ZKSCAN4: variants seen among roughly 807,000 people sequenced by gnomAD.
ZKSCAN4 encodes zinc finger protein with KRAB and SCAN domains 4.
ZKSCAN4 carries 23 observed loss-of-function variants against 30.8 expected under a neutral mutation model. The observed-to-expected ratio is 0.75, with a 90% CI of 0.54 to 1.06. The LOEUF (loss-of-function observed/expected upper bound fraction) is 1.06, where lower values mean the gene tolerates loss of function less well. Ranked by LOEUF, ZKSCAN4 falls within the 50% of genes least tolerant of loss-of-function variation. The pLI is 0.00. For missense variants in ZKSCAN4, 556 were observed against 665.4 expected (o/e 0.84, Z 1.81); for synonymous variants, 208 against 252.5 (o/e 0.82, Z 1.67).
intron 3 of ZKSCAN4, 141 bp from the exon 4 acceptor site, chr6:28,247,233 CATCTT>C (rs1760778001): frequency 2.3e-6 from 2 of 888,852 alleles, no homozygotes; most frequent in Non-Finnish European, 1.6e-6. Flanking sequence ...TCTCTAATAA[CATCTT>C]AATCAAGAAA....
chr6:28,248,807 CAG>C (rs1478517379), intron 2 of ZKSCAN4, among the ~76,000 whole-genome samples: 1 of 122,456 alleles, frequency 8.2e-6, no homozygotes, highest in African/African-American at 3.2e-5. Context: ...GCCTGGATAA[CAG>C]AGTGAGACCC....
Position 28,248,129 on chromosome 6 carries a change from C to T in ZKSCAN4, c.592G>A (p.Ala198Thr), listed in dbSNP as rs776900430. 6.2e-7 allele frequency: 1 copy of T among 1,613,630 alleles called. No individual in the cohort carries two copies. The highest frequency in any genetic ancestry group is 1.7e-5 in the Admixed American group (1 of 59,968). The part of the protein sequence containing the change: ...HDRVLQVPGL[A>T]QGGCCREDAM... Reference sequence around the variant, plus strand: ...TCTTCTCTGCAGCACCCTCCCTGGGCAAGCCCAGGAACCTGGAGAACTAAG... The same window carrying T: ...TCTTCTCTGCAGCACCCTCCCTGGGTAAGCCCAGGAACCTGGAGAACTAAG... Residue 198 changes from alanine (A) to threonine (T), a missense_variant, in exon 3 of 5, where the codon GCC becomes ACC. By Grantham distance (58) the Ala-to-Thr change is moderately conservative. Around this residue, in one of 3 missense-constraint regions of ZKSCAN4, gnomAD observed 433 missense variants for 511.5 expected, o/e 0.85. Transcript: ENST00000377294.
chr6:28,244,149 C>T lies in ZKSCAN4; in HGVS notation c.*967G>A, dbSNP rs1451448011. ...AGCTTAGCTGGCATAAGCCTTGATG[C>T]ACAGTCAGCTATAAACTGGGGAAGA... On this transcript the variant is annotated 3_prime_UTR_variant, in exon 5 of 5. Coordinates refer to ENST00000377294, the MANE Select transcript of ZKSCAN4 (RefSeq NM_019110.5). Among the ~76,000 whole-genome samples, 1 of 152,158 alleles carries T rather than the reference C, an allele frequency of 6.6e-6. No individual in the cohort carries two copies. Among genetic ancestry groups the T allele is most frequent in the Non-Finnish European group, 1.5e-5 (1 of 68,028 alleles).
At chr6:28,256,704 C>CTT (rs1330755661), upstream of ZKSCAN4, among the ~76,000 whole-genome samples, 1 of 152,180 alleles carries the variant, frequency 6.6e-6, no homozygotes, top group East Asian at 1.9e-4. Context: ...CCCATCCTCC[C>CTT]ATTAAAAAGG....
In ZKSCAN4 at chr6:28,243,059, C is replaced by A. The variant is rs542105843; in HGVS notation, c.*2057G>T. Among the ~76,000 whole-genome samples the A allele has an allele frequency of 7.9e-5, 12 of 152,146 alleles. No homozygotes were observed. In the South Asian group the frequency reaches 2.5e-3, roughly 32 times the overall value. On this transcript the variant is annotated 3_prime_UTR_variant, in exon 5 of 5. Transcript: ENST00000377294. ...TGAGTTTGAGTGTGTAAAATCAGAG[C>A]TATTTAGCAAATATTTAGGAGAAGT...
At position 28,251,271 on chromosome 6, in the gene ZKSCAN4, T is replaced by G. The variant is rs1305200905; in HGVS notation, c.423+287A>C. ...AGCCCTGTCCCTAGGTCTTATTATT[T>G]AGTGCAGTAATAAAAATCCACATAT... On this transcript the variant is annotated intron_variant, in intron 1 of 4. Coordinates refer to ENST00000377294, the MANE Select transcript of ZKSCAN4 (RefSeq NM_019110.5). The surrounding 1 kb of genome is among the most constrained non-coding windows in gnomAD (Gnocchi z 4.5). Among the ~76,000 whole-genome samples the G allele has an allele frequency of 2.0e-5, 3 of 152,224 alleles. No individual in the cohort carries two copies. Among genetic ancestry groups the G allele is most frequent in the Admixed American group, 6.5e-5 (1 of 15,286 alleles).
At position 28,248,099 on chromosome 6, in the gene ZKSCAN4, T is replaced by C; in HGVS notation, c.622A>G (p.Met208Val). ...AQGGCCREDA[M>V]VASRLTPGSQ... ...CCTGGAGTGAGCCTGGAAGCTACCA[T>C]TGCATCTTCTCTGCAGCACCCTCCC... Residue 208 changes from methionine to valine, a missense_variant, in exon 3 of 5, where the codon ATG (methionine) becomes GTG (valine). By Grantham distance (21) the Met-to-Val change is conservative. This residue lies in a region of ZKSCAN4 where 433 missense variants were observed against 511.5 expected (regional missense o/e 0.85). Transcript: ENST00000377294. 1 of 1,613,700 alleles carries C rather than the reference T, an allele frequency of 6.2e-7. No homozygotes were observed. The highest frequency in any genetic ancestry group is 8.5e-7 in the Non-Finnish European group (1 of 1,179,796).
In ZKSCAN4 at chr6:28,244,700, A is replaced by G; in HGVS notation, c.*416T>C. ...GCACCTATCATACAAGGCACAAAGA[A>G]GAGTAAAAGACCTCATGGATCTGAC... On this transcript the variant is annotated 3_prime_UTR_variant, in exon 5 of 5. Transcript: ENST00000377294. 1 of 230,730 alleles carries G rather than the reference A, an allele frequency of 4.3e-6. No homozygotes were observed. Among genetic ancestry groups the G allele is most frequent in the Non-Finnish European group, 8.7e-6 (1 of 114,768 alleles). The allele number at this position is 230,730 out of a possible 1,614,324, so 14.3% of individuals were successfully genotyped here.
upstream of ZKSCAN4, among the ~76,000 whole-genome samples, chr6:28,256,893 GAAT>G (rs1158865006): frequency 6.6e-6 from 1 of 152,010 alleles, no homozygotes; most frequent in Non-Finnish European, 1.5e-5. Context: ...AAAATCAAAA[GAAT>G]AATAAAATTT....
chr6:28,247,433 T>C (rs1478569940), intron 3 of ZKSCAN4, among the ~76,000 whole-genome samples: 3 of 152,130 alleles, frequency 2.0e-5, no homozygotes, highest in Non-Finnish European at 4.4e-5. Flanking sequence ...AGGGGTTCAT[T>C]TACATTAATA....
Position 28,251,502 on chromosome 6 carries a change from G to C in ZKSCAN4, c.423+56C>G. On this transcript the variant is annotated intron_variant, in intron 1 of 4. Coordinates refer to ENST00000377294, the MANE Select transcript of ZKSCAN4 (RefSeq NM_019110.5). The surrounding 1 kb of genome is among the most constrained non-coding windows in gnomAD (Gnocchi z 4.5). ...AAAGGAATGCCCCTCGCTCCGATCT[G>C]GGATTTCAGGAGGAAACAGACCACA... The C allele has an allele frequency of 1.9e-6, 3 of 1,613,988 alleles. No homozygotes were observed. Among genetic ancestry groups the C allele is most frequent in the Non-Finnish European group, 8.5e-7 (1 of 1,179,948 alleles).
chr6:28,248,852 G>C (rs1220116603), intron 2 of ZKSCAN4, among the ~76,000 whole-genome samples: 1 of 143,542 alleles, frequency 7.0e-6, no homozygotes, highest in Non-Finnish European at 1.5e-5. Flanking sequence ...AAAGAAAAAA[G>C]AAAAAGAAAA....
rs542635204 is a variant in ZKSCAN4, at chr6:28,243,604, A to G, written c.*1512T>C. Reference sequence around the variant, plus strand: ...ATATCAACACTTTGGATATTGTACAATCTTTTTCATCAGATACCTAGGATT... The same window carrying G: ...ATATCAACACTTTGGATATTGTACAGTCTTTTTCATCAGATACCTAGGATT... On this transcript the variant is annotated 3_prime_UTR_variant, in exon 5 of 5. Transcript: ENST00000377294. Among the ~76,000 whole-genome samples the G allele has an allele frequency of 1.1e-4, 17 of 152,214 alleles. No homozygotes were observed. In the South Asian group the frequency reaches 2.3e-3, roughly 20 times the overall value.
chr6:28,253,798 T>C (rs999201642), upstream of ZKSCAN4, among the ~76,000 whole-genome samples: 2 of 152,148 alleles, frequency 1.3e-5, no homozygotes. The surrounding 1 kb of genome is among the most constrained non-coding windows in gnomAD (Gnocchi z 4.2). Flanking sequence ...CTCCACTTCC[T>C]GGGTTCAAGT....
Position 28,249,216 on chromosome 6 carries a change from CCTA to C in ZKSCAN4, c.571+468_571+470del, listed in dbSNP as rs756385637. 1.3e-5 allele frequency among the ~76,000 whole-genome samples: 2 copies of C among 152,208 alleles called. No homozygotes were observed. The highest frequency in any genetic ancestry group is 4.8e-5 in the African/African-American group (2 of 41,464). On this transcript the variant is annotated intron_variant, in intron 2 of 4. Transcript: ENST00000377294. The surrounding 1 kb of genome is among the most constrained non-coding windows in gnomAD (Gnocchi z 4.1). ...TTTACACTCTTCTATTTGCAGCAGT[CCTA>C]CTATCTCTGGAATGTTCTGGCTGGC...
chr6:28,250,774 A>G (rs1760959783), intron 1 of ZKSCAN4, among the ~76,000 whole-genome samples: 1 of 152,246 alleles, frequency 6.6e-6, no homozygotes, highest in Middle Eastern at 3.2e-3. Flanking sequence ...TATTTTATGA[A>G]GAATGAAGCT....
chr6:28,250,004 A>C (rs1760919546), intron 1 of ZKSCAN4, among the ~76,000 whole-genome samples, 170 bp from the exon 2 acceptor site: 1 of 151,690 alleles, frequency 6.6e-6, no homozygotes. Context: ...GTTGCTGAAA[A>C]CGGAGATGTG....
In ZKSCAN4 at chr6:28,243,864, C is replaced by T. The variant is rs971356398; in HGVS notation, c.*1252G>A. 2.0e-5 allele frequency among the ~76,000 whole-genome samples: 3 copies of T among 151,966 alleles called. No homozygotes were observed. The highest frequency in any genetic ancestry group is 1.9e-4 in the East Asian group (1 of 5,178). On this transcript the variant is annotated 3_prime_UTR_variant, in exon 5 of 5. Transcript: ENST00000377294. ...ATTTTTTGTAGAGATGGGGTTTCAC[C>T]GTGTTGGCCAGGCTGGTCTCAAACT...
At position 28,242,831 on chromosome 6, in the gene ZKSCAN4, CT is replaced by C. The variant is rs1760544569; in HGVS notation, c.*2284del. Among the ~76,000 whole-genome samples, 1 of 152,180 alleles carries C rather than the reference CT, an allele frequency of 6.6e-6. No individual in the cohort carries two copies. The highest frequency in any genetic ancestry group is 1.5e-5 in the Non-Finnish European group (1 of 68,038). ...CTAGCATAGCAGACACTGAAAAGTACTTTTCTACAATATTTCCCTCCTCTAC... is the reference window on the plus strand; with the variant it reads ...CTAGCATAGCAGACACTGAAAAGTACTTTCTACAATATTTCCCTCCTCTAC... On this transcript the variant is annotated 3_prime_UTR_variant, in exon 5 of 5. Transcript: ENST00000377294.
Sources: allele counts gnomAD v4.1 joint callset (sites outside exome capture counted in the v4.1 genomes callset), GRCh38; gene constraint gnomAD v4.1.1; regional missense constraint gnomAD v4.1.1; non-coding constraint Gnocchi (gnomAD v3.1); transcripts MANE v1.5; gene names NCBI Gene and HGNC (gene_info 2026-07-23, HGNC 2026-07-21).